Variants in CD163 observed in about 807,000 individuals in gnomAD.
The protein encoded by CD163 is CD163 molecule, also known as scavenger receptor cysteine-rich type 1 protein M130.
Under a neutral mutation model 129.2 loss-of-function variants are expected in CD163, and 64 were observed. The ratio of observed to expected loss-of-function variants is 0.50; its 90% CI spans 0.41 to 0.61. The LOEUF (loss-of-function observed/expected upper bound fraction) is 0.61, where lower values mean the gene tolerates loss of function less well. Among genes scored for constraint, CD163 ranks in the 20% least tolerant of loss-of-function variants. The pLI is 0.00. For missense variants in CD163, 1,061 were observed against 1,377.9 expected (o/e 0.77, Z 3.64); for synonymous variants, 446 against 478.5 (o/e 0.93, Z 0.89).
chr12:7,482,366 T>A (rs1412903893), intron 14 of CD163, among the ~76,000 whole-genome samples: 2 of 151,974 alleles, frequency 1.3e-5, no homozygotes, highest in Non-Finnish European at 2.9e-5. Flanking sequence ...TCCCTCTATT[T>A]AAAAAATGAA....
chr12:7,501,097 C>T lies in CD163; in HGVS notation c.457+42G>A, dbSNP rs774223935. On this transcript the variant is annotated intron_variant, in intron 3 of 16. Transcript: ENST00000432237. The stretch of plus-strand genomic sequence containing the variant: ...AACCCATCTACATATTTTTTTCCCA[C>T]CAAGGATTTTGTGTTGAGGCTTTGA... The T allele has an allele frequency of 2.9e-4, 452 of 1,564,180 alleles. 5 individuals are homozygous for T. The South Asian group carries it at 4.9e-3, about 17-fold the overall frequency.
At chr12:7,483,801 A>G (rs1949198383) in intron 11 of CD163, 126 bp from the exon 12 acceptor site, 1 of 213,556 alleles carries the variant, frequency 4.7e-6, no homozygotes, top group South Asian at 9.0e-5. Context: ...CTGAATGTGC[A>G]TATTAAAATT....
intron 16 of CD163, among the ~76,000 whole-genome samples, chr12:7,474,074 A>C (rs1156728946): frequency 6.6e-6 from 1 of 152,230 alleles, no homozygotes; most frequent in Non-Finnish European, 1.5e-5. Context: ...ACCCAGATTC[A>C]TAAAGCAAGT....
chr12:7,482,325 C>T (rs964976458), intron 14 of CD163, among the ~76,000 whole-genome samples: 3 of 152,128 alleles, frequency 2.0e-5, no homozygotes, highest in African/African-American at 7.2e-5. Context: ...ATCAATGCAA[C>T]CTAAACCCCT....
Position 7,483,521 on chromosome 12 carries a change from T to C in CD163, c.2934A>G (p.Ala978=). The C allele has an allele frequency of 6.2e-7, 1 of 1,614,056 alleles. No homozygotes were observed. The highest frequency in any genetic ancestry group is 8.5e-7 in the Non-Finnish European group (1 of 1,179,982). The change falls in exon 12 of 17, where the codon GCA becomes GCG. Residue 978 remains alanine, a synonymous_variant. Coordinates refer to ENST00000432237, the MANE Select transcript of CD163 (RefSeq NM_203416.4). ...CCTGACCAAACTCTGCTTCTTTGAA[T>C]GCTTTCAAAGCTGGACCACAGCCAA... ...QQLGCGPALK[A]FKEAEFGQGT... is the part of the protein sequence containing the mutation.
intron 16 of CD163, among the ~76,000 whole-genome samples, chr12:7,477,243 C>G (rs966950784): frequency 4.6e-5 from 7 of 152,218 alleles, no homozygotes; most frequent in African/African-American, 1.7e-4. Context: ...ACTGGGTATA[C>G]ACCCAAAGGA....
chr12:7,494,944 T>C, intron 6 of CD163, 137 bp downstream of exon 6: 1 of 700,810 alleles, frequency 1.4e-6, no homozygotes, highest in Non-Finnish European at 2.5e-6. Context: ...TATCTGACTC[T>C]CCCAGTGGAA....
intron 6 of CD163, among the ~76,000 whole-genome samples, chr12:7,491,489 G>A (rs1297051780): frequency 6.6e-6 from 1 of 151,928 alleles, no homozygotes; most frequent in East Asian, 1.9e-4. Flanking sequence ...TTTGCACCTG[G>A]ATTTAGCACC....
chr12:7,495,606 A>G (rs967888154), intron 5 of CD163, among the ~76,000 whole-genome samples: 3 of 152,338 alleles, frequency 2.0e-5, no homozygotes, highest in African/African-American at 7.2e-5. Context: ...AAAATTGTCA[A>G]TGGCAGAAAG....
intron 14 of CD163, among the ~76,000 whole-genome samples, 161 bp downstream of exon 14, chr12:7,482,482 G>GT (rs1949175184): frequency 1.3e-5 from 2 of 152,142 alleles, no homozygotes; most frequent in African/African-American, 2.4e-5. Context: ...GGGATTACAA[G>GT]TGTGAGCCAC....
chr12:7,498,155 A>G (rs1949428878), intron 4 of CD163, among the ~76,000 whole-genome samples: 1 of 151,924 alleles, frequency 6.6e-6, no homozygotes, highest in Non-Finnish European at 1.5e-5. Flanking sequence ...ACAGAGAGAG[A>G]GAGAGAGAGA....
chr12:7,500,990 T>C, intron 3 of CD163, 149 bp downstream of exon 3: 1 of 668,200 alleles, frequency 1.5e-6, no homozygotes, highest in Non-Finnish European at 2.6e-6. Context: ...TGACCTCGTG[T>C]TTTGTGGTTT....
At chr12:7,480,175 G>A (rs2136692674) in intron 15 of CD163, 1 of 533,200 alleles carries the variant, frequency 1.9e-6, no homozygotes, top group East Asian at 3.6e-5. Flanking sequence ...AACAGTACAT[G>A]TTCCTTAAAT....
At chr12:7,499,259 T>G in intron 3 of CD163, 71 bp from the exon 4 acceptor site, 1 of 1,335,552 alleles carries the variant, frequency 7.5e-7, no homozygotes, top group Non-Finnish European at 1.0e-6. Context: ...AGAAGTTTCC[T>G]CTGGACACTT....
rs762691722 is a variant in CD163, at chr12:7,499,024, A to G, written c.622T>C (p.Phe208Leu). ...RQLECGSAVS[F>L]SGSSNFGEGS... Reference sequence around the variant, plus strand: ...TCTCCAAAATTAGATGAACCAGAGAAACTGACAGCACTTCCACATTCAAGT... The same window carrying G: ...TCTCCAAAATTAGATGAACCAGAGAGACTGACAGCACTTCCACATTCAAGT... The change falls in exon 4 of 17, where the codon TTC (phenylalanine) becomes CTC (leucine). Residue 208 changes from phenylalanine (F) to leucine (L), a missense_variant. Transcript: ENST00000432237. 2 of 1,614,056 alleles carry G rather than the reference A, an allele frequency of 1.2e-6. No individual in the cohort carries two copies. Among genetic ancestry groups the G allele is most frequent in the African/African-American group, 2.7e-5 (2 of 74,928 alleles).
chr12:7,490,306 T>C (rs1160552163), intron 6 of CD163, among the ~76,000 whole-genome samples: 1 of 151,938 alleles, frequency 6.6e-6, no homozygotes. Context: ...GAATTATAAG[T>C]AACTTACTGT....
At position 7,481,250 on chromosome 12, in the gene CD163, G is replaced by C; in HGVS notation, c.3254C>G (p.Ser1085Ter). The change falls in exon 15 of 17, where the codon TCA becomes TGA. Residue 1085 changes from serine (S) to a stop codon, truncating the protein, a stop_gained. Coordinates refer to ENST00000432237, the MANE Select transcript of CD163 (RefSeq NM_203416.4). LOFTEE classifies it high-confidence loss of function. Reference sequence around the variant, plus strand: ...TTGGTGGACTAAGTTCTCTCCTCTTGAGGAAACTGAAAACAGAGATCCCTA... The same window carrying C: ...TTGGTGGACTAAGTTCTCTCCTCTTCAGGAAACTGAAAACAGAGATCCCTA... The part of the protein sequence containing the change: ...RRQRQRLAVS[S>*]RGENLVHQIQ... 4.3e-6 allele frequency: 7 copies of C among 1,612,958 alleles called. No individual in the cohort carries two copies. The highest frequency in any genetic ancestry group is 5.9e-6 in the Non-Finnish European group (7 of 1,179,090).
Position 7,488,058 on chromosome 12 carries a change from C to G in CD163, c.1450G>C (p.Asp484His), listed in dbSNP as rs771008558. Residue 484 changes from aspartate (D) to histidine (H), a missense_variant, in exon 7 of 17, where the codon GAC becomes CAC. Asp to His is a moderately conservative substitution (Grantham distance 81, BLOSUM62 -1). Transcript: ENST00000432237. Reference protein sequence around the residue: ...AHREPRLVGGDIPCSGRVEVK... With the variant: ...AHREPRLVGGHIPCSGRVEVK... ...TCAACACGTCCAGAACAGGGAATGT[C>G]CCCTCCAACCAGTCTGGGTTCCCTG... 1 of 1,613,462 alleles carries G rather than the reference C, an allele frequency of 6.2e-7. No individual in the cohort carries two copies. Among genetic ancestry groups the G allele is most frequent in the African/African-American group, 1.3e-5 (1 of 75,020 alleles).
Position 7,480,954 on chromosome 12 carries a change from G to A in CD163, c.3343+207C>T, listed in dbSNP as rs960054813. 51 of 1,257,712 alleles carry A rather than the reference G, an allele frequency of 4.1e-5. No homozygotes were observed. The African/African-American group carries it at 6.9e-4, about 17-fold the overall frequency. The allele number at this position is 1,257,712 out of a possible 1,614,324, so 77.9% of individuals were successfully genotyped here. Reference sequence around the variant, plus strand: ...CATACCTCTATCAGGAATAATCACAGGCCTCTTAAGCTAAAGGCCTCCCTA... The same window carrying A: ...CATACCTCTATCAGGAATAATCACAAGCCTCTTAAGCTAAAGGCCTCCCTA... On this transcript the variant is annotated intron_variant, in intron 15 of 16. Coordinates refer to ENST00000432237, the MANE Select transcript of CD163 (RefSeq NM_203416.4).
Sources: gnomAD v4.1 joint callset for allele counts (sites outside exome capture counted in the v4.1 genomes callset) on GRCh38, gnomAD v4.1.1 for gene constraint, MANE v1.5 for transcripts, NCBI Gene and HGNC (gene_info 2026-07-23, HGNC 2026-07-21) for gene names.